Variants in PRKAG2 observed in about 807,000 individuals in gnomAD.
PRKAG2 encodes protein kinase AMP-activated non-catalytic subunit gamma 2.
Under a neutral mutation model 69.6 loss-of-function variants are expected in PRKAG2, and 26 were observed. The observed-to-expected ratio is 0.37, with a 90% CI of 0.27 to 0.52. The LOEUF (loss-of-function observed/expected upper bound fraction) is 0.52. Ranked by LOEUF, PRKAG2 falls within the 20% of genes least tolerant of loss-of-function variation. PRKAG2 has a pLI of 0.90. For synonymous variants in PRKAG2, 293 were observed against 285.0 expected, an observed-to-expected ratio of 1.03 and a Z score of -0.28; for missense variants, 557 against 740.0, an observed-to-expected ratio of 0.75 and a Z score of 2.87.
chr7:151,557,703 C>T (rs1804048389), intron 15 of PRKAG2: 1 of 496,050 alleles, frequency 2.0e-6, no homozygotes, highest in Non-Finnish European at 2.6e-6. Context: ...AACCCTGTCT[C>T]TACTAAAAAT....
At chr7:151,716,339 C>T (rs777483707) in intron 3 of PRKAG2, among the ~76,000 whole-genome samples, 2 of 152,158 alleles carry the variant, frequency 1.3e-5, no homozygotes, top group Non-Finnish European at 2.9e-5. Flanking sequence ...ATAGAGACCT[C>T]CATCGGGTGA....
intron 3 of PRKAG2, among the ~76,000 whole-genome samples, chr7:151,705,194 T>C (rs1290252248): frequency 6.6e-6 from 1 of 152,144 alleles, no homozygotes; most frequent in Non-Finnish European, 1.5e-5. Context: ...CAGGATAAAA[T>C]GTTCAGGTTA....
chr7:151,798,590 C>G (rs1022569201), intron 1 of PRKAG2, among the ~76,000 whole-genome samples: 11 of 152,232 alleles, frequency 7.2e-5, no homozygotes, highest in African/African-American at 2.7e-4. Context: ...GTTGAGATTA[C>G]AGGCATGAGC....
At chr7:151,646,261 C>G (rs1253610249) in intron 4 of PRKAG2, among the ~76,000 whole-genome samples, 2 of 152,188 alleles carry the variant, frequency 1.3e-5, no homozygotes, top group Non-Finnish European at 2.9e-5. Context: ...ATTTGATCTA[C>G]AGATCAATTT....
chr7:151,590,830 G>A (rs1332544518), intron 6 of PRKAG2, among the ~76,000 whole-genome samples: 1 of 152,234 alleles, frequency 6.6e-6, no homozygotes, highest in Non-Finnish European at 1.5e-5. Context: ...CTAGTTTGGT[G>A]GGACTGATTG....
Position 151,771,779 on chromosome 7 carries a change from G to A in PRKAG2, c.466+9373C>T, listed in dbSNP as rs1467596410. Among the ~76,000 whole-genome samples, 1 of 152,134 alleles carries A rather than the reference G, an allele frequency of 6.6e-6. No homozygotes were observed. The highest frequency in any genetic ancestry group is 1.5e-5 in the Non-Finnish European group (1 of 68,036). On this transcript the variant is annotated intron_variant, in intron 3 of 15. Transcript: ENST00000287878. The surrounding 1 kb of genome is among the most constrained non-coding windows in gnomAD (Gnocchi z 4.0). ...TGGAGTGGGAAGCTGTATGGAAGTG[G>A]TCATCTTGATGTCATCAATGATAAT...
intron 1 of PRKAG2, among the ~76,000 whole-genome samples, chr7:151,832,499 G>T (rs1328215940): frequency 6.6e-6 from 1 of 152,050 alleles, no homozygotes; most frequent in African/African-American, 2.4e-5. Context: ...GAGAAAGGGA[G>T]GAGGGTCAGG....
chr7:151,793,505 G>A (rs914917016), intron 1 of PRKAG2, among the ~76,000 whole-genome samples: 3 of 152,222 alleles, frequency 2.0e-5, no homozygotes, highest in Non-Finnish European at 2.9e-5. Context: ...CAGTGACCCC[G>A]GGAAAGCTGC....
rs1483528615 is a variant in PRKAG2 at position 151,806,723 on chromosome 7, T to C, written c.115-20182A>G. ...TGGCTCACACCTGTAACCTGAGGACTTTGAGGTGGAGACGGGCAGACCACC... is the reference window on the plus strand; with the variant it reads ...TGGCTCACACCTGTAACCTGAGGACCTTGAGGTGGAGACGGGCAGACCACC... On this transcript the variant is annotated intron_variant, in intron 1 of 15. Coordinates refer to ENST00000287878, the MANE Select transcript of PRKAG2 (RefSeq NM_016203.4). 4 of 311,038 alleles carry C rather than the reference T, an allele frequency of 1.3e-5. No individual in the cohort carries two copies. The Admixed American group carries it at 1.9e-4, about 15-fold the overall frequency. 19.3% of individuals were successfully genotyped at this position (311,038 alleles called of 1,614,324 possible). A position where few individuals can be genotyped will look rare whatever the true frequency, so the allele number is the denominator to read the frequency against.
At chr7:151,566,848 C>G (rs1806374575) in intron 11 of PRKAG2, among the ~76,000 whole-genome samples, 2 of 152,114 alleles carry the variant, frequency 1.3e-5, no homozygotes, top group African/African-American at 4.8e-5. Flanking sequence ...AAAATGATCT[C>G]ATAATTCAGT....
At chr7:151,666,642 G>A (rs936490283) in intron 4 of PRKAG2, among the ~76,000 whole-genome samples, 1 of 152,182 alleles carries the variant, frequency 6.6e-6, no homozygotes, top group Non-Finnish European at 1.5e-5. Flanking sequence ...CTGAAGGCTT[G>A]ACTGGGGCTG....
intron 6 of PRKAG2, among the ~76,000 whole-genome samples, chr7:151,578,182 T>C (rs1006946955): frequency 3.3e-5 from 5 of 151,306 alleles, no homozygotes; most frequent in Admixed American, 1.3e-4. Context: ...TCGTCTCCAC[T>C]AAAAATACAA....
intron 3 of PRKAG2, among the ~76,000 whole-genome samples, chr7:151,722,712 G>A (rs777695169): frequency 5.3e-5 from 8 of 152,046 alleles, no homozygotes; most frequent in South Asian, 4.2e-4. Context: ...GTGCACCGCC[G>A]CCTCCCCACC....
chr7:151,636,766 G>A (rs992571548), intron 4 of PRKAG2, among the ~76,000 whole-genome samples: 8 of 152,074 alleles, frequency 5.3e-5, no homozygotes, highest in Admixed American at 2.0e-4. Flanking sequence ...GTGCAGTAGC[G>A]CGATTTCAGC....
intron 1 of PRKAG2, among the ~76,000 whole-genome samples, chr7:151,854,953 TCTCCACATACCACC>T (rs2079669926): frequency 9.2e-6 from 1 of 108,252 alleles, no homozygotes; most frequent in African/African-American, 3.5e-5. Context: ...CCTCCACCAC[TCTCCACATACCACC>T]CTCCACACAC....
intron 1 of PRKAG2, among the ~76,000 whole-genome samples, chr7:151,823,173 C>T (rs12703162): frequency 0.42 from 63,662 of 151,864 alleles, 13,572 homozygotes; most frequent in East Asian, 0.54. Flanking sequence ...TGGGGACACT[C>T]TCTATGAAGC....
chr7:151,670,534 T>G (rs1454720455), intron 4 of PRKAG2, among the ~76,000 whole-genome samples: 1 of 152,222 alleles, frequency 6.6e-6, no homozygotes, highest in East Asian at 1.9e-4. Context: ...TTTTCCCTGT[T>G]GAAAAGAATT....
intron 1 of PRKAG2, among the ~76,000 whole-genome samples, chr7:151,832,400 T>G (rs1349099282): frequency 2.0e-5 from 3 of 152,060 alleles, no homozygotes; most frequent in Non-Finnish European, 4.4e-5. Context: ...TGGGCAGTGT[T>G]CACAGTGCCT....
chr7:151,753,692 C>T (rs1044356034), intron 3 of PRKAG2, among the ~76,000 whole-genome samples: 3 of 152,066 alleles, frequency 2.0e-5, no homozygotes, highest in Non-Finnish European at 4.4e-5. Flanking sequence ...GCTGGAATTA[C>T]AAGCGTGAGC....
Sources: gnomAD v4.1 joint callset for allele counts (sites outside exome capture counted in the v4.1 genomes callset) on GRCh38, gnomAD v4.1.1 for gene constraint, Gnocchi (gnomAD v3.1) non-coding constraint, MANE v1.5 for transcripts, NCBI Gene and HGNC (gene_info 2026-07-23, HGNC 2026-07-21) for gene names.